ASXL2: variants seen among roughly 807,000 people sequenced by gnomAD.
ASXL2 encodes ASXL transcriptional regulator 2.
In ASXL2, 23 loss-of-function variants were observed where a neutral mutation model predicts 122.0. The ratio of observed to expected loss-of-function variants is 0.19; its 90% CI spans 0.14 to 0.27. The LOEUF (loss-of-function observed/expected upper bound fraction) is 0.27, where lower values mean the gene tolerates loss of function less well. ASXL2 is among the 10% of genes least tolerant of loss of function. ASXL2 has a pLI of 1.00. For synonymous variants in ASXL2, 650 were observed against 637.0 expected (o/e 1.02, Z -0.31); for missense variants, 1,518 against 1,713.8 (o/e 0.89, Z 2.02).
At chr2:25,847,338 A>G (rs1044938433) in intron 1 of ASXL2, among the ~76,000 whole-genome samples, 25 of 152,126 alleles carry the variant, frequency 1.6e-4, no homozygotes, top group African/African-American at 4.8e-4. Flanking sequence ...TCCCCAAAAT[A>G]TTTTTCTCAG....
chr2:25,785,836 C>T (rs1298581937), intron 5 of ASXL2, among the ~76,000 whole-genome samples: 2 of 152,208 alleles, frequency 1.3e-5, no homozygotes, highest in African/African-American at 4.8e-5. Context: ...GTGTCAGCCA[C>T]TGCACCTGGC....
chr2:25,861,565 T>G (rs1355744367), intron 1 of ASXL2, among the ~76,000 whole-genome samples: 2 of 152,188 alleles, frequency 1.3e-5, no homozygotes, highest in Non-Finnish European at 2.9e-5. Context: ...CTCTACAATA[T>G]CTTCCAGAAA....
chr2:25,854,973 T>C lies in ASXL2; in HGVS notation c.58-9410A>G, dbSNP rs183288526. Among the ~76,000 whole-genome samples the C allele has an allele frequency of 2.3e-3, 348 of 152,262 alleles. 2 individuals carry two copies. Among genetic ancestry groups the C allele is most frequent in the African/African-American group, 8.0e-3 (334 of 41,554 alleles). ...AAGAAACACATCCAAATAGAAACTTTCAGTGTCCTGCAACACACATATCCC... is the reference window on the plus strand; with the variant it reads ...AAGAAACACATCCAAATAGAAACTTCCAGTGTCCTGCAACACACATATCCC... On this transcript the variant is annotated intron_variant, in intron 1 of 12. Coordinates refer to ENST00000435504, the MANE Select transcript of ASXL2 (RefSeq NM_018263.6).
Position 25,750,059 on chromosome 2 carries a change from C to T in ASXL2, c.1497G>A (p.Gln499=). ...TGGTGAGATGGTTCTTCTCAGATTC[C>T]TGTTCAGCAGAGGTGACTGGCTTCT... The part of the protein sequence containing the change: ...LEQKPVTSAE[Q]ESEKNHLTTA... Residue 499 remains glutamine, a synonymous_variant, in exon 12 of 13, where the codon CAG becomes CAA. Coordinates refer to ENST00000435504, the MANE Select transcript of ASXL2 (RefSeq NM_018263.6). 1.9e-6 allele frequency: 3 copies of T among 1,613,924 alleles called. No homozygotes were observed. The South Asian group carries it at 3.3e-5, about 18-fold the overall frequency.
intron 4 of ASXL2, among the ~76,000 whole-genome samples, chr2:25,800,237 G>A (rs1220260612): frequency 6.6e-6 from 1 of 152,150 alleles, no homozygotes; most frequent in East Asian, 1.9e-4. Context: ...GTTTGAGGCT[G>A]CAGTGAGCTG....
intron 4 of ASXL2, among the ~76,000 whole-genome samples, chr2:25,804,118 A>G (rs2089042074): frequency 6.6e-6 from 1 of 152,200 alleles, no homozygotes; most frequent in African/African-American, 2.4e-5. Context: ...CTGTAACCCC[A>G]GGAAATTCAA....
chr2:25,846,396 G>A (rs996934629), intron 1 of ASXL2, among the ~76,000 whole-genome samples: 8 of 152,042 alleles, frequency 5.3e-5, no homozygotes, highest in South Asian at 2.1e-4. Context: ...CTGTAATCTC[G>A]GCACTTTGGA....
chr2:25,808,145 T>A (rs1341565523), intron 3 of ASXL2, among the ~76,000 whole-genome samples: 1 of 151,984 alleles, frequency 6.6e-6, no homozygotes, highest in Non-Finnish European at 1.5e-5. Context: ...CAGAAAGGGA[T>A]CCTTTCTCTT....
intron 2 of ASXL2, among the ~76,000 whole-genome samples, chr2:25,836,111 G>A (rs1009488719): frequency 6.6e-6 from 1 of 152,164 alleles, no homozygotes; most frequent in Non-Finnish European, 1.5e-5. Context: ...AACAGATAGG[G>A]AAGATGGCTG....
At chr2:25,828,824 C>CAAAAAAAAAA (rs1031358836) in intron 3 of ASXL2, among the ~76,000 whole-genome samples, 44 of 50,120 alleles carry the variant, frequency 8.8e-4, no homozygotes, top group East Asian at 2.3e-3. Context: ...GACTGTGTCT[C>CAAAAAAAAAA]AAAAAAAAAA....
Position 25,812,731 on chromosome 2 carries a change from T to G in ASXL2, c.144-6394A>C, listed in dbSNP as rs140920221. ...AAATGTGCAAGGATTTACTCCATCA[T>G]TGAAAGCATCAAAGCACTGAAAAAT... On this transcript the variant is annotated intron_variant, in intron 3 of 12. Transcript: ENST00000435504. 1.1e-4 allele frequency among the ~76,000 whole-genome samples: 17 copies of G among 152,282 alleles called. No individual in the cohort carries two copies. In the East Asian group the frequency reaches 3.3e-3, roughly 29 times the overall value.
At chr2:25,760,809 T>C (rs1321510202) in intron 8 of ASXL2, among the ~76,000 whole-genome samples, 1 of 152,186 alleles carries the variant, frequency 6.6e-6, no homozygotes, top group Non-Finnish European at 1.5e-5. Context: ...AAATAACAGA[T>C]GGAGACCTAG....
chr2:25,828,874 T>C (rs2089413947), intron 3 of ASXL2, among the ~76,000 whole-genome samples: 1 of 146,238 alleles, frequency 6.8e-6, no homozygotes, highest in African/African-American at 2.6e-5. Flanking sequence ...ATCTCCTGAG[T>C]GCAGCAGAAA....
intron 5 of ASXL2, among the ~76,000 whole-genome samples, chr2:25,784,139 T>C (rs550569992): frequency 1.6e-3 from 237 of 152,022 alleles, no homozygotes; most frequent in African/African-American, 5.5e-3. Flanking sequence ...TAGTCCCAGC[T>C]ACTTGGGGGG....
intron 2 of ASXL2, chr2:25,845,142 TGA>T: frequency 3.7e-6 from 1 of 270,486 alleles, no homozygotes. Context: ...TCTCCCTGTA[TGA>T]GAGTAATTTT....
At chr2:25,798,561 C>T (rs1312575566) in intron 5 of ASXL2, among the ~76,000 whole-genome samples, 2 of 152,058 alleles carry the variant, frequency 1.3e-5, no homozygotes, top group African/African-American at 4.8e-5. Context: ...GTCAGGGGTT[C>T]GAGACCAGCC....
chr2:25,807,440 A>G (rs550151399), intron 3 of ASXL2, among the ~76,000 whole-genome samples: 1 of 152,362 alleles, frequency 6.6e-6, no homozygotes, highest in South Asian at 2.1e-4. Context: ...ATAATAACAA[A>G]GGAAAGAAAA....
At chr2:25,827,882 A>G (rs1479259417) in intron 3 of ASXL2, among the ~76,000 whole-genome samples, 3 of 152,138 alleles carry the variant, frequency 2.0e-5, no homozygotes, top group Non-Finnish European at 4.4e-5. Flanking sequence ...GCAATAAAAG[A>G]TTCCTTGGAA....
At chr2:25,875,518 A>T (rs1400331005) in intron 1 of ASXL2, among the ~76,000 whole-genome samples, 1 of 151,916 alleles carries the variant, frequency 6.6e-6, no homozygotes, top group Non-Finnish European at 1.5e-5. Flanking sequence ...ATAATTATGA[A>T]TCTTATTATT....
Sources: gnomAD v4.1 joint callset for allele counts (sites outside exome capture counted in the v4.1 genomes callset) on GRCh38, gnomAD v4.1.1 for gene constraint, MANE v1.5 for transcripts, NCBI Gene and HGNC (gene_info 2026-07-23, HGNC 2026-07-21) for gene names.